Variants in BCL9 observed in about 807,000 individuals in gnomAD.
The protein encoded by BCL9 is BCL9 transcription coactivator, also known as B-cell CLL/lymphoma 9 protein.
BCL9 carries 25 observed loss-of-function variants against 88.5 expected under a neutral mutation model. The ratio of observed to expected loss-of-function variants is 0.28; its 90% CI spans 0.21 to 0.39. The LOEUF (loss-of-function observed/expected upper bound fraction) is 0.39, where lower values mean the gene tolerates loss of function less well. Ranked by LOEUF, BCL9 falls within the 10% of genes least tolerant of loss-of-function variation. The pLI, the probability that BCL9 is intolerant of heterozygous loss-of-function variation, is 1.00. For missense variants in BCL9, 1,817 were observed against 1,877.8 expected (o/e 0.97, Z 0.60); for synonymous variants, 711 against 673.3 (o/e 1.06, Z -0.87).
intron 1 of BCL9, among the ~76,000 whole-genome samples, chr1:147,547,420 G>C (rs1316091293): frequency 6.6e-6 from 1 of 152,090 alleles, no homozygotes. Flanking sequence ...GCAATTTTTA[G>C]AACTCCAGAG....
At position 147,619,159 on chromosome 1, in the gene BCL9, C is replaced by T. The variant is rs1658459965; in HGVS notation, c.1004C>T (p.Pro335Leu). ...GATCCCAAAGCCCCTCCGCCTCCACCAGTGTCCAGTGGCGAGCCCCCCACA... is the reference window on the plus strand; with the variant it reads ...GATCCCAAAGCCCCTCCGCCTCCACTAGTGTCCAGTGGCGAGCCCCCCACA... ...SADPKAPPPP[P>L]VSSGEPPTLG... Residue 335 changes from proline (P) to leucine (L), a missense_variant, in exon 8 of 10, where the codon CCA becomes CTA. Physicochemically the swap from Pro to Leu is moderately conservative, Grantham distance 98 (BLOSUM62 -3). Around this residue, in one of 2 missense-constraint regions of BCL9, gnomAD observed 1,228 missense variants for 1,191.6 expected, o/e 1.03. Coordinates refer to ENST00000234739, the MANE Select transcript of BCL9 (RefSeq NM_004326.4). The surrounding 1 kb of genome is among the most constrained non-coding windows in gnomAD (Gnocchi z 4.1). 6.8e-6 allele frequency: 11 copies of T among 1,613,176 alleles called. No individual in the cohort carries two copies. Among genetic ancestry groups the T allele is most frequent in the Non-Finnish European group, 9.3e-6 (11 of 1,179,490 alleles).
intron 1 of BCL9, among the ~76,000 whole-genome samples, chr1:147,549,471 C>T (rs1464308788): frequency 2.0e-5 from 3 of 152,132 alleles, no homozygotes; most frequent in Admixed American, 2.0e-4. Flanking sequence ...AGAGAAGTTT[C>T]TTCTAGCTCA....
chr1:147,597,265 G>T (rs972163603), intron 1 of BCL9, among the ~76,000 whole-genome samples: 106 of 152,274 alleles, frequency 7.0e-4, no homozygotes, highest in African/African-American at 2.5e-3. Flanking sequence ...GAGTTTACAG[G>T]TGGAAAAACT....
At chr1:147,583,604 AT>A (rs1275938697) in intron 1 of BCL9, among the ~76,000 whole-genome samples, 6 of 151,190 alleles carry the variant, frequency 4.0e-5, no homozygotes, top group South Asian at 2.1e-4. Flanking sequence ...TAATTTTATG[AT>A]TTTTTTTTAC....
intron 1 of BCL9, among the ~76,000 whole-genome samples, chr1:147,549,200 C>T (rs587626921): frequency 8.1e-4 from 124 of 152,154 alleles, no homozygotes; most frequent in African/African-American, 3.0e-3. Context: ...TGGTCTTGAA[C>T]TCCTGACCTC....
intron 1 of BCL9, among the ~76,000 whole-genome samples, chr1:147,550,549 T>G (rs371373990): frequency 1.3e-5 from 2 of 151,996 alleles, no homozygotes; most frequent in South Asian, 4.2e-4. Flanking sequence ...CAAGAATAGG[T>G]GAATAGTGAG....
Position 147,619,720 on chromosome 1 carries a change from C to T in BCL9, c.1565C>T (p.Pro522Leu), listed in dbSNP as rs1553204720. The change falls in exon 8 of 10, where the codon CCT becomes CTT. Residue 522 changes from proline to leucine, a missense_variant. Transcript: ENST00000234739. The surrounding 1 kb of genome is among the most constrained non-coding windows in gnomAD (Gnocchi z 4.1). ...CCCCCCCCTCCATACCAGATGACCC[C>T]TAGTGAAGGCTGGGCACCTGGGGGT... ...RGPPPPYQMT[P>L]SEGWAPGGTE... The T allele has an allele frequency of 1.9e-6, 3 of 1,614,088 alleles. No individual in the cohort carries two copies. Among genetic ancestry groups the T allele is most frequent in the Non-Finnish European group, 2.5e-6 (3 of 1,180,032 alleles).
chr1:147,579,457 C>A (rs1553198396), intron 1 of BCL9, among the ~76,000 whole-genome samples: 1 of 152,174 alleles, frequency 6.6e-6, no homozygotes. Flanking sequence ...TAGAAAATGA[C>A]TGCTGTTCTA....
At position 147,624,764 on chromosome 1, in the gene BCL9, T is replaced by G. The variant is rs1658845704; in HGVS notation, c.4086T>G (p.Asp1362Glu). The change falls in exon 10 of 10, where the codon GAT becomes GAG. Residue 1362 changes from aspartate (D) to glutamate (E), a missense_variant. This residue lies in a region of BCL9 where 589 missense variants were observed against 686.2 expected (regional missense o/e 0.86). Transcript: ENST00000234739. This position sits in a 1 kb window ranked among gnomAD's most constrained non-coding sequence, Gnocchi z 4.4. The part of the protein sequence containing the change: ...AAAVGMIPGK[D>E]RGPAGLYTHP... ...CCGTGGGCATGATTCCTGGCAAGGA[T>G]CGGGGGCCTGCCGGGCTCTACACCC... 1.9e-6 allele frequency: 3 copies of G among 1,613,874 alleles called. No individual in the cohort carries two copies. The South Asian group carries it at 3.3e-5, about 18-fold the overall frequency.
At chr1:147,542,463 CTG>C (rs1654376883) in intron 1 of BCL9, among the ~76,000 whole-genome samples, 1 of 152,182 alleles carries the variant, frequency 6.6e-6, no homozygotes, top group Non-Finnish European at 1.5e-5. Context: ...GAACAGATCA[CTG>C]TGTCTGAAAC....
intron 1 of BCL9, chr1:147,600,209 G>A: frequency 6.2e-6 from 1 of 161,970 alleles, no homozygotes; most frequent in Non-Finnish European, 1.3e-5. Flanking sequence ...CGCCGCTGCC[G>A]CCGCCGGGGG....
chr1:147,573,061 AGGGT>A (rs1294645951), intron 1 of BCL9, among the ~76,000 whole-genome samples: 3 of 152,224 alleles, frequency 2.0e-5, no homozygotes, highest in African/African-American at 7.2e-5. Flanking sequence ...TAGCCTTGTC[AGGGT>A]GTTTTGTATT....
chr1:147,579,010 C>T (rs587610128), intron 1 of BCL9, among the ~76,000 whole-genome samples: 15 of 152,184 alleles, frequency 9.9e-5, no homozygotes, highest in African/African-American at 2.9e-4. Flanking sequence ...GGATTACAGG[C>T]GCCTGCCACC....
At position 147,546,378 on chromosome 1, in the gene BCL9, TC is replaced by T. The variant is rs369381823; in HGVS notation, c.-478+4712del. On this transcript the variant is annotated intron_variant, in intron 1 of 9. Transcript: ENST00000234739. Reference sequence around the variant, plus strand: ...AATAATAGTTGCCTAAGTTTTGCCATCCCCCCCCTTTTTTTAAAACACTAGA... The same window carrying T: ...AATAATAGTTGCCTAAGTTTTGCCATCCCCCCCTTTTTTTAAAACACTAGA... Among the ~76,000 whole-genome samples the T allele has an allele frequency of 1.6e-3, 242 of 150,332 alleles. 6 individuals are homozygous for T. In the East Asian group the frequency reaches 0.03, roughly 19 times the overall value.
At chr1:147,557,107 G>A (rs1480674654) in intron 1 of BCL9, among the ~76,000 whole-genome samples, 5 of 152,224 alleles carry the variant, frequency 3.3e-5, no homozygotes, top group Non-Finnish European at 5.9e-5. Context: ...ATTGCTGCAA[G>A]ATAAGATGAT....
intron 1 of BCL9, among the ~76,000 whole-genome samples, 178 bp from the exon 2 acceptor site, chr1:147,604,599 C>T (rs1320645798): frequency 1.3e-5 from 2 of 152,192 alleles, no homozygotes; most frequent in African/African-American, 4.8e-5. Context: ...CTATCTTGGA[C>T]TTCTTGTATT....
intron 1 of BCL9, among the ~76,000 whole-genome samples, chr1:147,553,022 T>C (rs17160421): frequency 0.012 from 1,774 of 152,264 alleles, 21 homozygotes; most frequent in East Asian, 0.056. Flanking sequence ...ATTTGGTGGT[T>C]TTTTTGGAGA....
rs782811475 is a variant in BCL9 at position 147,619,994 on chromosome 1, C to T, written c.1839C>T (p.Ser613=). 14 of 1,613,912 alleles carry T rather than the reference C, an allele frequency of 8.7e-6. No homozygotes were observed. Among genetic ancestry groups the T allele is most frequent in the East Asian group, 2.2e-5 (1 of 44,878 alleles). ...RNFPPGQGIF[S]GPGRGERFPN... is the part of the protein sequence containing the mutation. ...TTCCTCCTGGCCAGGGCATTTTCAG[C>T]GGTCCTGGCCGAGGGGAACGCTTCC... The change falls in exon 8 of 10, where the codon AGC becomes AGT. Residue 613 remains serine, a synonymous_variant. Coordinates refer to ENST00000234739, the MANE Select transcript of BCL9 (RefSeq NM_004326.4). This position sits in a 1 kb window ranked among gnomAD's most constrained non-coding sequence, Gnocchi z 4.1.
chr1:147,573,965 GA>G (rs1384036862), intron 1 of BCL9, among the ~76,000 whole-genome samples: 210 of 149,178 alleles, frequency 1.4e-3, no homozygotes, highest in East Asian at 9.2e-3. Flanking sequence ...GCCTTGAAGG[GA>G]AAAAAAAAAT....
Sources: gnomAD v4.1 joint callset for allele counts (sites outside exome capture counted in the v4.1 genomes callset) on GRCh38, gnomAD v4.1.1 for gene constraint, gnomAD v4.1.1 regional missense constraint, Gnocchi (gnomAD v3.1) non-coding constraint, MANE v1.5 for transcripts, NCBI Gene and HGNC (gene_info 2026-07-23, HGNC 2026-07-21) for gene names.